The following SPIRE2 variants were observed in gnomAD, a reference collection of about 807,000 sequenced individuals.
SPIRE2 encodes spire type actin nucleation factor 2, also known as protein spire homolog 2.
A neutral mutation model predicts 80.7 loss-of-function variants in SPIRE2; 76 were observed. The ratio of observed to expected loss-of-function variants is 0.94; its 90% CI spans 0.78 to 1.14. SPIRE2 has a LOEUF of 1.14. Among genes scored for constraint, SPIRE2 ranks in the 50% most tolerant of loss-of-function variants. The probability of loss-of-function intolerance (pLI) is 0.00; values close to 1 mark genes in which losing one functional copy is unlikely to be tolerated. For synonymous variants in SPIRE2, 535 were observed against 432.6 expected, an observed-to-expected ratio of 1.24 and a Z score of -2.94; for missense variants, 1,196 against 1,015.3, an observed-to-expected ratio of 1.18 and a Z score of -2.42.
intron 1 of SPIRE2, among the ~76,000 whole-genome samples, chr16:89,831,995 T>C (rs757606399): frequency 6.6e-6 from 1 of 152,282 alleles, no homozygotes; most frequent in African/African-American, 2.4e-5. Flanking sequence ...TCCAGAGCTC[T>C]GCAGAGGGCG....
At chr16:89,867,489 C>G (rs189398599) in intron 12 of SPIRE2, among the ~76,000 whole-genome samples, 1 of 151,876 alleles carries the variant, frequency 6.6e-6, no homozygotes, top group Non-Finnish European at 1.5e-5. Flanking sequence ...TGTTTTTAAA[C>G]TTTCCAAAAG....
chr16:89,838,890 A>G (rs1255013685), intron 1 of SPIRE2, among the ~76,000 whole-genome samples: 2 of 151,524 alleles, frequency 1.3e-5, no homozygotes, highest in East Asian at 3.9e-4. Context: ...ATGGCTGCCC[A>G]GTGTCCCTGT....
In SPIRE2 at chr16:89,863,458, C is replaced by G; in HGVS notation, c.1576-18C>G. 6.2e-7 allele frequency: 1 copy of G among 1,613,736 alleles called. No individual in the cohort carries two copies. The highest frequency in any genetic ancestry group is 1.1e-5 in the South Asian group (1 of 91,074). On this transcript the variant is annotated intron_variant, in intron 10 of 14. Transcript: ENST00000378247. This position sits in a 1 kb window ranked among gnomAD's most constrained non-coding sequence, Gnocchi z 4.3. ...AGCCTCCTGCATAGAAGACTTCCTA[C>G]CTGAGGCCGTCCCCTAGGAGTTCAG...
At chr16:89,844,991 C>T (rs939327525) in intron 1 of SPIRE2, among the ~76,000 whole-genome samples, 4 of 152,202 alleles carry the variant, frequency 2.6e-5, no homozygotes, top group African/African-American at 9.6e-5. Context: ...TGCTCTCCAG[C>T]CCTGACTCGC....
At chr16:89,847,468 C>G (rs1387196546) in intron 2 of SPIRE2, among the ~76,000 whole-genome samples, 1 of 152,234 alleles carries the variant, frequency 6.6e-6, no homozygotes, top group African/African-American at 2.4e-5. Context: ...CCTGGAAGAC[C>G]TTCCAAAGGG....
chr16:89,839,964 T>C (rs996528041), intron 1 of SPIRE2, among the ~76,000 whole-genome samples: 1 of 152,226 alleles, frequency 6.6e-6, no homozygotes, highest in Non-Finnish European at 1.5e-5. Context: ...ATGCGTGAGA[T>C]TGAGCAGGAG....
intron 2 of SPIRE2, chr16:89,847,089 A>G (rs1324174882): frequency 1.3e-5 from 2 of 152,184 alleles, no homozygotes; most frequent in African/African-American, 4.8e-5. Flanking sequence ...ACAGACCAAA[A>G]GAGGCTGTGT....
intron 1 of SPIRE2, among the ~76,000 whole-genome samples, chr16:89,842,273 C>A (rs2041514138): frequency 7.8e-6 from 1 of 128,826 alleles, no homozygotes; most frequent in South Asian, 2.5e-4. Flanking sequence ...AGTGCAGTGG[C>A]ACCATCTTGA....
At chr16:89,864,674 GGACTCGCCTCACTAACGTGGAGTAA>G (rs2041773895) in intron 12 of SPIRE2, among the ~76,000 whole-genome samples, 1 of 152,176 alleles carries the variant, frequency 6.6e-6, no homozygotes, top group African/African-American at 2.4e-5. Flanking sequence ...TGCACACAAA[GGACTCGCCTCACTAACGTGGAGTAA>G]GTAGCCCAAA....
At chr16:89,866,599 ATT>A (rs11291938) in intron 12 of SPIRE2, among the ~76,000 whole-genome samples, 35 of 148,882 alleles carry the variant, frequency 2.4e-4, no homozygotes, top group African/African-American at 6.4e-4. Flanking sequence ...CCAGCCTTGA[ATT>A]TTTTTTTTTT....
chr16:89,863,982 G>C lies in SPIRE2; in HGVS notation c.1778+121G>C. ...TGTTCTAGCATGTTCGATGGCTGAT[G>C]AGTCCACAAGATATGGTTAGTACGA... On this transcript the variant is annotated intron_variant, in intron 12 of 14. Coordinates refer to ENST00000378247, the MANE Select transcript of SPIRE2 (RefSeq NM_032451.2). The surrounding 1 kb of genome is among the most constrained non-coding windows in gnomAD (Gnocchi z 4.3). 5.9e-6 allele frequency: 4 copies of C among 679,508 alleles called. No homozygotes were observed. Among genetic ancestry groups the C allele is most frequent in the South Asian group, 5.4e-5 (3 of 55,610 alleles). 42.1% of individuals were successfully genotyped at this position (679,508 alleles called of 1,614,324 possible). A position where few individuals can be genotyped will look rare whatever the true frequency, so the allele number is the denominator to read the frequency against.
intron 8 of SPIRE2, 91 bp downstream of exon 8, chr16:89,858,598 CA>C: frequency 7.7e-7 from 1 of 1,299,122 alleles, no homozygotes; most frequent in Non-Finnish European, 1.0e-6. Context: ...CCGGGGGCAG[CA>C]GCAATTGCGG....
chr16:89,847,437 CAG>C (rs1209897928), intron 2 of SPIRE2, among the ~76,000 whole-genome samples: 1 of 152,202 alleles, frequency 6.6e-6, no homozygotes, highest in African/African-American at 2.4e-5. Context: ...AGTCTCCAAA[CAG>C]AGCAGCTGCT....
intron 1 of SPIRE2, among the ~76,000 whole-genome samples, chr16:89,843,730 C>A: frequency 1.1e-5 from 1 of 94,638 alleles, no homozygotes; most frequent in Non-Finnish European, 2.0e-5. Flanking sequence ...GACAGAGTCT[C>A]GCTTTGTTGC....
Position 89,870,101 on chromosome 16 carries a change from C to G in SPIRE2, c.1974C>G (p.Ile658Met). 1.2e-6 allele frequency: 2 copies of G among 1,613,708 alleles called. No homozygotes were observed. The highest frequency in any genetic ancestry group is 1.7e-6 in the Non-Finnish European group (2 of 1,179,916). ...WQSVEEAFPHIYSHGCVLKDV... is the reference protein window; with the variant it reads ...WQSVEEAFPHMYSHGCVLKDV... The stretch of plus-strand genomic sequence containing the variant: ...GCGTGGAGGAGGCGTTCCCCCACAT[C>G]TACTCCCACGGCTGTGTCCTGAAGG... The change falls in exon 15 of 15, where the codon ATC (isoleucine) becomes ATG (methionine). Residue 658 changes from isoleucine (I) to methionine (M), a missense_variant. Coordinates refer to ENST00000378247, the MANE Select transcript of SPIRE2 (RefSeq NM_032451.2).
chr16:89,828,695 C>T lies in SPIRE2; in HGVS notation c.145C>T (p.Arg49Cys), dbSNP rs372466179. Reference sequence around the variant, plus strand: ...GTGGGCCGTGTGCTTCCAGGGCTGCCGCGGGCTGCGGGGCTCGCCGGGCCG... The same window carrying T: ...GTGGGCCGTGTGCTTCCAGGGCTGCTGCGGGCTGCGGGGCTCGCCGGGCCG... The part of the protein sequence containing the change: ...QAWAVCFQGC[R>C]GLRGSPGRRL... Residue 49 changes from arginine (R) to cysteine (C), a missense_variant, in exon 1 of 15, where the codon CGC becomes TGC. Arg to Cys is a radical substitution (Grantham distance 180). Coordinates refer to ENST00000378247, the MANE Select transcript of SPIRE2 (RefSeq NM_032451.2). The surrounding 1 kb of genome is among the most constrained non-coding windows in gnomAD (Gnocchi z 5.9). 7.2e-5 allele frequency: 94 copies of T among 1,298,730 alleles called. No individual in the cohort carries two copies. In the African/African-American group the frequency reaches 1.2e-3, roughly 17 times the overall value. 80.5% of individuals were successfully genotyped at this position (1,298,730 alleles called of 1,614,324 possible). A position where few individuals can be genotyped will look rare whatever the true frequency, so the allele number is the denominator to read the frequency against.
Position 89,863,673 on chromosome 16 carries a change from G to T in SPIRE2, c.1710+63G>T. The stretch of plus-strand genomic sequence containing the variant: ...CTGGGTCAGGGGCGGGTGCCGAGAG[G>T]GCCAGTTCCCAGGACTGTTTGCTCA... On this transcript the variant is annotated intron_variant, in intron 11 of 14. Transcript: ENST00000378247. The surrounding 1 kb of genome is among the most constrained non-coding windows in gnomAD (Gnocchi z 4.3). 1 of 1,613,310 alleles carries T rather than the reference G, an allele frequency of 6.2e-7. No homozygotes were observed. The highest frequency in any genetic ancestry group is 1.1e-5 in the South Asian group (1 of 91,064).
Position 89,863,942 on chromosome 16 carries a change from C to A in SPIRE2, c.1778+81C>A. The A allele has an allele frequency of 9.4e-7, 1 of 1,064,956 alleles. No homozygotes were observed. The highest frequency in any genetic ancestry group is 1.4e-6 in the Non-Finnish European group (1 of 710,086). The allele number at this position is 1,064,956 out of a possible 1,614,324, so 66.0% of individuals were successfully genotyped here. A position where few individuals can be genotyped will look rare whatever the true frequency, so the allele number is the denominator to read the frequency against. On this transcript the variant is annotated intron_variant, in intron 12 of 14. Transcript: ENST00000378247. This position sits in a 1 kb window ranked among gnomAD's most constrained non-coding sequence, Gnocchi z 4.3. ...GGGGCAGTACCGCCCACAGAACTTC[C>A]TGTGATTCCAGGAATGTTCTAGCAT...
chr16:89,867,452 C>T (rs1390987302), intron 12 of SPIRE2, among the ~76,000 whole-genome samples: 5 of 151,430 alleles, frequency 3.3e-5, no homozygotes, highest in Admixed American at 3.3e-4. Flanking sequence ...CGACAGTGTG[C>T]AGTTTTTAAA....
Sources: allele counts gnomAD v4.1 joint callset (sites outside exome capture counted in the v4.1 genomes callset), GRCh38; gene constraint gnomAD v4.1.1; non-coding constraint Gnocchi (gnomAD v3.1); transcripts MANE v1.5; gene names NCBI Gene and HGNC (gene_info 2026-07-23, HGNC 2026-07-21).